The following SLC18A1 variants were observed in gnomAD, a reference collection of about 807,000 sequenced individuals.
SLC18A1 encodes the protein chromaffin granule amine transporter.
Under a neutral mutation model 53.7 loss-of-function variants are expected in SLC18A1, and 69 were observed. That is an observed-to-expected ratio of 1.28 (90% CI 1.06 to 1.57). SLC18A1 has a LOEUF of 1.57. SLC18A1 is among the 40% of genes most tolerant of loss of function. SLC18A1 has a pLI of 0.00. For missense variants in SLC18A1, 932 were observed against 668.1 expected, an observed-to-expected ratio of 1.40 and a Z score of -4.35; for synonymous variants, 320 against 248.1, an observed-to-expected ratio of 1.29 and a Z score of -2.72.
intron 8 of SLC18A1, among the ~76,000 whole-genome samples, chr8:20,166,787 G>A (rs533701105): frequency 6.6e-6 from 1 of 152,192 alleles, no homozygotes; most frequent in East Asian, 1.9e-4. Flanking sequence ...TCTTCAGGGA[G>A]GTAATTAAGG....
intron 5 of SLC18A1, among the ~76,000 whole-genome samples, chr8:20,173,462 A>G (rs2072177551): frequency 6.6e-6 from 1 of 152,298 alleles, no homozygotes; most frequent in Non-Finnish European, 1.5e-5. Flanking sequence ...AGAGCAGATC[A>G]GGGAAAGGAA....
At chr8:20,160,983 T>C (rs540538463) in intron 10 of SLC18A1, among the ~76,000 whole-genome samples, 38 of 152,336 alleles carry the variant, frequency 2.5e-4, no homozygotes, top group Admixed American at 1.6e-3. Context: ...CCTAGGACTT[T>C]ATCACCTACT....
At chr8:20,163,437 A>G (rs1475942996) in intron 10 of SLC18A1, among the ~76,000 whole-genome samples, 2 of 152,214 alleles carry the variant, frequency 1.3e-5, no homozygotes, top group Admixed American at 6.5e-5. Context: ...TGACGTGGTC[A>G]GCATTCAAAC....
Position 20,149,668 on chromosome 8 carries a change from A to T in SLC18A1, c.1146+8T>A. ...TCCTTCCCCTCCCCCAGGTCTTCTT[A>T]TACTTACACAGAGCAAGCTGGTACC... On this transcript the variant is annotated splice_region_variant and intron_variant, in intron 12 of 15. Coordinates refer to ENST00000276373, the MANE Select transcript of SLC18A1 (RefSeq NM_003053.4). 6.2e-7 allele frequency: 1 copy of T among 1,609,684 alleles called. No individual in the cohort carries two copies. Among genetic ancestry groups the T allele is most frequent in the Non-Finnish European group, 8.5e-7 (1 of 1,178,068 alleles).
At chr8:20,158,050 A>G (rs2128871509) in intron 10 of SLC18A1, among the ~76,000 whole-genome samples, 1 of 152,344 alleles carries the variant, frequency 6.6e-6, no homozygotes, top group East Asian at 1.9e-4. Flanking sequence ...CTGAGTCAGA[A>G]GCCACTAACA....
chr8:20,178,416 G>A lies in SLC18A1; in HGVS notation c.547+19C>T, dbSNP rs777605124. 81 of 1,599,384 alleles carry A rather than the reference G, an allele frequency of 5.1e-5. No individual in the cohort carries two copies. In the Middle Eastern group the frequency reaches 6.6e-4, roughly 13 times the overall value. ...AAGGTAATCAGTGAAGGGAAGAAAAGAGGAAGCAAATTACTTACTAACTGT... is the reference window on the plus strand; with the variant it reads ...AAGGTAATCAGTGAAGGGAAGAAAAAAGGAAGCAAATTACTTACTAACTGT... On this transcript the variant is annotated intron_variant, in intron 4 of 15. Transcript: ENST00000276373.
intron 5 of SLC18A1, 116 bp from the exon 6 acceptor site, chr8:20,173,244 T>C: frequency 1.3e-6 from 1 of 755,844 alleles, no homozygotes; most frequent in Non-Finnish European, 2.1e-6. Context: ...AGTTTCAGTT[T>C]GAGGGGTTTT....
chr8:20,168,941 A>G (rs1463814086), intron 8 of SLC18A1, among the ~76,000 whole-genome samples: 1 of 152,238 alleles, frequency 6.6e-6, no homozygotes, highest in Admixed American at 6.5e-5. Flanking sequence ...AGAATCATCA[A>G]TGGATAACAA....
chr8:20,149,584 CT>C (rs1329787806), intron 12 of SLC18A1, 91 bp downstream of exon 12: 181 of 991,996 alleles, frequency 1.8e-4, no homozygotes, highest in East Asian at 9.7e-4. Flanking sequence ...CTCTCTCTCT[CT>C]CTCCCTCTCT....
intron 10 of SLC18A1, among the ~76,000 whole-genome samples, chr8:20,156,401 A>T (rs994886979): frequency 6.6e-6 from 1 of 152,086 alleles, no homozygotes; most frequent in Non-Finnish European, 1.5e-5. Flanking sequence ...TTTTAATCTT[A>T]ATTACCATAC....
intron 10 of SLC18A1, among the ~76,000 whole-genome samples, chr8:20,158,002 T>C (rs2071724428): frequency 6.6e-6 from 1 of 152,154 alleles, no homozygotes; most frequent in African/African-American, 2.4e-5. Context: ...GTCAAGAGAA[T>C]CACTGGAAGG....
chr8:20,171,274 C>G (rs978591522), intron 7 of SLC18A1, 128 bp from the exon 8 acceptor site: 2 of 1,320,002 alleles, frequency 1.5e-6, no homozygotes, highest in African/African-American at 1.5e-5. Flanking sequence ...TTCTTTTCTA[C>G]AACGGGGCAG....
At chr8:20,151,644 C>T (rs940800119) in intron 10 of SLC18A1, among the ~76,000 whole-genome samples, 2 of 152,182 alleles carry the variant, frequency 1.3e-5, no homozygotes, top group African/African-American at 4.8e-5. Flanking sequence ...AAGTCCTGAA[C>T]ACATGGCTTT....
rs375084576 is a variant in SLC18A1, at chr8:20,156,177, T to A, written c.1016-5433A>T. Among the ~76,000 whole-genome samples the A allele has an allele frequency of 6.8e-4, 103 of 151,734 alleles. 1 individual carries two copies. The South Asian group carries it at 0.019, about 28-fold the overall frequency. ...CAATCTGTAGTGGCAACTGCTTTGC[T>A]AACAGAAGGAAGTAGAAAAATAACT... On this transcript the variant is annotated intron_variant, in intron 10 of 15. Coordinates refer to ENST00000276373, the MANE Select transcript of SLC18A1 (RefSeq NM_003053.4).
intron 4 of SLC18A1, chr8:20,175,378 TTAAAG>T (rs1245987914): frequency 6.6e-6 from 1 of 152,196 alleles, no homozygotes; most frequent in Non-Finnish European, 1.5e-5. Flanking sequence ...GATTAAGAGA[TTAAAG>T]TAAAGACAGG....
At chr8:20,165,195 G>A (rs2071927285) in intron 8 of SLC18A1, 88 bp from the exon 9 acceptor site, 2 of 1,159,308 alleles carry the variant, frequency 1.7e-6, no homozygotes, top group African/African-American at 1.5e-5. Flanking sequence ...ACAATTATGG[G>A]CTTAGAGACC....
chr8:20,157,391 C>T (rs62498210), intron 10 of SLC18A1, among the ~76,000 whole-genome samples: 1 of 152,146 alleles, frequency 6.6e-6, no homozygotes, highest in Admixed American at 6.5e-5. Context: ...AACGATTCCC[C>T]ACAGGCCAGT....
chr8:20,179,395 C>T lies in SLC18A1; in HGVS notation c.214G>A (p.Ala72Thr), dbSNP rs1441810159. ...HLGHAGSSPHALASPAFSTIF... is the reference protein window; with the variant it reads ...HLGHAGSSPHTLASPAFSTIF... ...GTGGAAAAGGCAGGAGAGGCGAGGG[C>T]ATGTGGGGAACTTCCGGCATGGCCG... Residue 72 changes from alanine to threonine, a missense_variant, in exon 3 of 16, where the codon GCC becomes ACC. Transcript: ENST00000276373. 1 of 1,613,912 alleles carries T rather than the reference C, an allele frequency of 6.2e-7. No homozygotes were observed.
chr8:20,170,259 C>A (rs1389035000), intron 8 of SLC18A1, among the ~76,000 whole-genome samples: 1 of 152,184 alleles, frequency 6.6e-6, no homozygotes, highest in Non-Finnish European at 1.5e-5. Flanking sequence ...GTCATAGTTT[C>A]AAATTCTTTC....
Sources: gnomAD v4.1 joint callset for allele counts (sites outside exome capture counted in the v4.1 genomes callset) on GRCh38, gnomAD v4.1.1 for gene constraint, MANE v1.5 for transcripts, NCBI Gene and HGNC (gene_info 2026-07-23, HGNC 2026-07-21) for gene names.